The following ADGRB3 variants were observed in gnomAD, a reference collection of about 807,000 sequenced individuals.
ADGRB3 encodes the protein brain-specific angiogenesis inhibitor 3.
ADGRB3 carries 37 observed loss-of-function variants against 193.4 expected under a neutral mutation model. The observed-to-expected ratio is 0.19, with a 90% CI of 0.15 to 0.25. The LOEUF (loss-of-function observed/expected upper bound fraction) is 0.25, where lower values mean the gene tolerates loss of function less well. Among genes scored for constraint, ADGRB3 ranks in the 10% least tolerant of loss-of-function variants. ADGRB3 has a pLI of 1.00. For missense variants in ADGRB3, 1,637 were observed against 1,852.9 expected, an observed-to-expected ratio of 0.88 and a Z score of 2.14; for synonymous variants, 690 against 644.2, an observed-to-expected ratio of 1.07 and a Z score of -1.08.
At chr6:69,188,600 C>T (rs779526265) in intron 17 of ADGRB3, among the ~76,000 whole-genome samples, 1 of 152,188 alleles carries the variant, frequency 6.6e-6, no homozygotes, top group African/African-American at 2.4e-5. Flanking sequence ...TGAGCCACTG[C>T]GCCCGGCCCT....
chr6:68,819,170 T>A (rs1767700831), intron 3 of ADGRB3, among the ~76,000 whole-genome samples: 1 of 152,068 alleles, frequency 6.6e-6, no homozygotes, highest in African/African-American at 2.4e-5. Context: ...AGTTGCTTGT[T>A]AGTTAGATGT....
intron 13 of ADGRB3, among the ~76,000 whole-genome samples, chr6:69,036,561 G>A (rs1414910559): frequency 6.6e-6 from 1 of 151,984 alleles, no homozygotes; most frequent in Non-Finnish European, 1.5e-5. Context: ...GTGGGAGGCA[G>A]AAAATGAGTA....
intron 3 of ADGRB3, among the ~76,000 whole-genome samples, chr6:68,660,394 T>C (rs1768599369): frequency 6.6e-6 from 1 of 150,522 alleles, no homozygotes; most frequent in South Asian, 2.1e-4. Context: ...TAAATGAGCC[T>C]GCATTCTCAG....
intron 3 of ADGRB3, among the ~76,000 whole-genome samples, chr6:68,782,687 T>G (rs541292321): frequency 1.3e-5 from 2 of 152,146 alleles, no homozygotes; most frequent in Non-Finnish European, 2.9e-5. Context: ...AGATGGTATT[T>G]CATTGTGGTT....
At chr6:68,899,709 T>A (rs1363036721) in intron 3 of ADGRB3, among the ~76,000 whole-genome samples, 1 of 152,100 alleles carries the variant, frequency 6.6e-6, no homozygotes, top group Non-Finnish European at 1.5e-5. Context: ...ATAGTTGTTA[T>A]CATATTTATA....
At chr6:68,738,881 A>C (rs1765923949) in intron 3 of ADGRB3, among the ~76,000 whole-genome samples, 1 of 152,156 alleles carries the variant, frequency 6.6e-6, no homozygotes. Flanking sequence ...CTTACCAAGA[A>C]AGTGATTGTA....
intron 3 of ADGRB3, among the ~76,000 whole-genome samples, chr6:68,851,442 A>G (rs900808084): frequency 2.4e-4 from 36 of 152,048 alleles, no homozygotes; most frequent in Non-Finnish European, 2.9e-5. Context: ...TTTAACCAAG[A>G]AGTAACTATT....
rs771747103 is a variant in ADGRB3 at position 69,233,181 on chromosome 6, C to T, written c.2481-109C>T. On this transcript the variant is annotated intron_variant, in intron 17 of 31. Coordinates refer to ENST00000370598, the MANE Select transcript of ADGRB3 (RefSeq NM_001704.3). The stretch of plus-strand genomic sequence containing the variant: ...AACAAGTAGATTTTTTTTTCCTGTA[C>T]AGGAATTACAGTAGACGACTCTCTC... The T allele has an allele frequency of 5.7e-6, 8 of 1,406,882 alleles. No homozygotes were observed. In the Admixed American group the frequency reaches 1.6e-4, roughly 27 times the overall value. The allele number at this position is 1,406,882 out of a possible 1,614,324, so 87.1% of individuals were successfully genotyped here.
chr6:69,194,155 T>A (rs1765252398), intron 17 of ADGRB3, among the ~76,000 whole-genome samples: 2 of 152,050 alleles, frequency 1.3e-5, no homozygotes, highest in African/African-American at 4.8e-5. Flanking sequence ...AAATTTAAAT[T>A]AATTTTAATT....
At chr6:69,298,903 T>C (rs773200938) in intron 20 of ADGRB3, among the ~76,000 whole-genome samples, 3 of 151,996 alleles carry the variant, frequency 2.0e-5, no homozygotes, top group Non-Finnish European at 4.4e-5. Context: ...CACCCAGCAG[T>C]TGGATTGCTG....
At chr6:68,792,423 T>A (rs1767124402) in intron 3 of ADGRB3, among the ~76,000 whole-genome samples, 1 of 152,200 alleles carries the variant, frequency 6.6e-6, no homozygotes, top group African/African-American at 2.4e-5. Flanking sequence ...TATTGCTAAA[T>A]AACAGTAGGT....
At chr6:69,148,643 A>G (rs1774574800) in intron 17 of ADGRB3, among the ~76,000 whole-genome samples, 1 of 152,142 alleles carries the variant, frequency 6.6e-6, no homozygotes, top group African/African-American at 2.4e-5. Flanking sequence ...GTACCTTCAG[A>G]TGATTTCTTC....
At chr6:68,944,407 A>G (rs1389791091) in intron 6 of ADGRB3, among the ~76,000 whole-genome samples, 1 of 152,106 alleles carries the variant, frequency 6.6e-6, no homozygotes, top group Admixed American at 6.6e-5. Context: ...AGGGAGTGGC[A>G]ATGTACCACT....
intron 17 of ADGRB3, among the ~76,000 whole-genome samples, chr6:69,197,935 T>C (rs1755658372): frequency 6.6e-6 from 1 of 152,112 alleles, no homozygotes; most frequent in African/African-American, 2.4e-5. Context: ...ATTCAAGACT[T>C]ACCTCCTTTC....
intron 3 of ADGRB3, among the ~76,000 whole-genome samples, chr6:68,858,510 A>T (rs1765053033): frequency 6.7e-6 from 1 of 148,390 alleles, no homozygotes; most frequent in Admixed American, 6.7e-5. Flanking sequence ...AAAAAAAAAA[A>T]AAAACACCTG....
chr6:68,748,195 T>C (rs1766123332), intron 3 of ADGRB3, among the ~76,000 whole-genome samples: 1 of 152,072 alleles, frequency 6.6e-6, no homozygotes, highest in South Asian at 2.1e-4. Flanking sequence ...AAATCTCATG[T>C]CCTCACTTTT....
At chr6:69,113,753 G>A (rs1024755854) in intron 17 of ADGRB3, among the ~76,000 whole-genome samples, 3 of 152,160 alleles carry the variant, frequency 2.0e-5, no homozygotes, top group South Asian at 2.1e-4. Flanking sequence ...AGGCCTTTTC[G>A]TGAGTGGCAA....
intron 3 of ADGRB3, among the ~76,000 whole-genome samples, chr6:68,840,287 G>A (rs1768126252): frequency 6.7e-6 from 1 of 149,568 alleles, no homozygotes; most frequent in Non-Finnish European, 1.5e-5. Context: ...AGAAGGAGAG[G>A]GAAGAGTAAA....
chr6:69,062,356 A>G (rs963476754), intron 15 of ADGRB3, among the ~76,000 whole-genome samples: 8 of 151,890 alleles, frequency 5.3e-5, no homozygotes, highest in East Asian at 3.9e-4. Context: ...TGTCTTTCTT[A>G]GATTGAGAGT....
Sources: gnomAD v4.1 joint callset for allele counts (sites outside exome capture counted in the v4.1 genomes callset) on GRCh38, gnomAD v4.1.1 for gene constraint, MANE v1.5 for transcripts, NCBI Gene and HGNC (gene_info 2026-07-23, HGNC 2026-07-21) for gene names.